The following CARMIL1 variants were observed in gnomAD, a reference collection of about 807,000 sequenced individuals.
The protein encoded by CARMIL1 is F-actin-uncapping protein LRRC16A.
A neutral mutation model predicts 177.1 loss-of-function variants in CARMIL1; 90 were observed. That is an observed-to-expected ratio of 0.51 (90% CI 0.43 to 0.61). The LOEUF is 0.61. Ranked by LOEUF, CARMIL1 falls within the 20% of genes least tolerant of loss-of-function variation. CARMIL1 has a pLI of 0.00. For missense variants in CARMIL1, 1,380 were observed against 1,667.0 expected (o/e 0.83, Z 3.00); for synonymous variants, 577 against 606.2 (o/e 0.95, Z 0.71).
Position 25,580,970 on chromosome 6 carries a change from G to A in CARMIL1, c.2789G>A (p.Arg930Gln). The A allele has an allele frequency of 6.2e-7, 1 of 1,601,334 alleles. No individual in the cohort carries two copies. The highest frequency in any genetic ancestry group is 8.5e-7 in the Non-Finnish European group (1 of 1,173,462). ...AAGAGTATCCATAGCCGAATGCTGC[G>A]GCCTGTTTCTAGGGCTTTTGGTAAG... ...KRKSIHSRML[R>Q]PVSRAFEMEF... The change falls in exon 30 of 37, where the codon CGG becomes CAG. Residue 930 changes from arginine (R) to glutamine (Q), a missense_variant. By Grantham distance (43) the Arg-to-Gln change is conservative. Coordinates refer to ENST00000329474, the MANE Select transcript of CARMIL1 (RefSeq NM_017640.6).
intron 2 of CARMIL1, among the ~76,000 whole-genome samples, chr6:25,337,377 T>C (rs904107421): frequency 5.3e-5 from 8 of 151,408 alleles, no homozygotes; most frequent in African/African-American, 1.7e-4. Context: ...TACATTTCTG[T>C]TTCTTTAGTT....
chr6:25,526,042 G>C (rs1807063582), intron 23 of CARMIL1, among the ~76,000 whole-genome samples: 1 of 151,964 alleles, frequency 6.6e-6, no homozygotes, highest in South Asian at 2.1e-4. Flanking sequence ...GGGCGTGGTG[G>C]TTAATGCCTG....
rs1271192027 is a variant in CARMIL1, at chr6:25,390,318, A to ATTTT, written c.139-29795_139-29794insTTTT. Among the ~76,000 whole-genome samples, 57 of 43,682 alleles carry ATTTT rather than the reference A, an allele frequency of 1.3e-3. 1 individual carries two copies. Among genetic ancestry groups the ATTTT allele is most frequent in the South Asian group, 2.6e-3 (3 of 1,170 alleles). 28.7% of individuals were successfully genotyped at this position (43,682 alleles called of 152,430 possible). On this transcript the variant is annotated intron_variant, in intron 2 of 36. Coordinates refer to ENST00000329474, the MANE Select transcript of CARMIL1 (RefSeq NM_017640.6). ...CATATATATATATATATATATATATATATTTTTTTTTTTTTTTTTTTGAGA... is the reference window on the plus strand; with the variant it reads ...CATATATATATATATATATATATATATTTTTATTTTTTTTTTTTTTTTTTTGAGA...
chr6:25,411,160 A>G (rs1434680706), intron 2 of CARMIL1, among the ~76,000 whole-genome samples: 1 of 152,212 alleles, frequency 6.6e-6, no homozygotes, highest in Non-Finnish European at 1.5e-5. Context: ...GACAGTGATG[A>G]CTAGATGAGG....
At chr6:25,570,658 A>G in intron 29 of CARMIL1, among the ~76,000 whole-genome samples, 1 of 152,366 alleles carries the variant, frequency 6.6e-6, no homozygotes, top group South Asian at 2.1e-4. Context: ...TCTTTTCAAT[A>G]GTCTCTCATC....
chr6:25,287,183 C>A (rs150399274), intron 2 of CARMIL1, among the ~76,000 whole-genome samples: 1 of 152,194 alleles, frequency 6.6e-6, no homozygotes, highest in Non-Finnish European at 1.5e-5. Context: ...CATTGTTAGC[C>A]TACTAAAATG....
At position 25,606,247 on chromosome 6, in the gene CARMIL1, A is replaced by T; in HGVS notation, c.3821A>T (p.Gln1274Leu). 6.2e-7 allele frequency: 1 copy of T among 1,613,796 alleles called. No homozygotes were observed. Among genetic ancestry groups the T allele is most frequent in the South Asian group, 1.1e-5 (1 of 91,042 alleles). The change falls in exon 35 of 37, where the codon CAG becomes CTG. Residue 1274 changes from glutamine (Q) to leucine (L), a missense_variant. Gln to Leu is a moderately radical substitution (Grantham distance 113). Coordinates refer to ENST00000329474, the MANE Select transcript of CARMIL1 (RefSeq NM_017640.6). ...PSLAARPVIP[Q>L]KPRTASRPDD... ...CTGGCAGCACGGCCCGTCATCCCGCAGAAACCAAGAACCGCCTCACGGCCT... is the reference window on the plus strand; with the variant it reads ...CTGGCAGCACGGCCCGTCATCCCGCTGAAACCAAGAACCGCCTCACGGCCT...
At chr6:25,469,722 A>G (rs1360190123) in intron 9 of CARMIL1, among the ~76,000 whole-genome samples, 1 of 151,958 alleles carries the variant, frequency 6.6e-6, no homozygotes, top group Non-Finnish European at 1.5e-5. Flanking sequence ...CTGGGACCCC[A>G]CCCCACTACT....
chr6:25,528,456 T>C (rs1807386736), intron 23 of CARMIL1, among the ~76,000 whole-genome samples: 1 of 152,242 alleles, frequency 6.6e-6, no homozygotes, highest in Admixed American at 6.5e-5. Flanking sequence ...TAAAAATTCA[T>C]GTGAGAGAAG....
chr6:25,377,578 C>T (rs1442832901), intron 2 of CARMIL1, among the ~76,000 whole-genome samples: 1 of 152,132 alleles, frequency 6.6e-6, no homozygotes, highest in Non-Finnish European at 1.5e-5. Flanking sequence ...CAGTGGGTAC[C>T]AGCACCAGTT....
chr6:25,430,720 T>TG (rs1796691514), intron 4 of CARMIL1, among the ~76,000 whole-genome samples: 1 of 152,194 alleles, frequency 6.6e-6, no homozygotes, highest in Non-Finnish European at 1.5e-5. Flanking sequence ...CATGAGCCAC[T>TG]GTGCCCAACC....
chr6:25,322,216 G>A (rs745369216), intron 2 of CARMIL1, among the ~76,000 whole-genome samples: 8 of 152,128 alleles, frequency 5.3e-5, no homozygotes, highest in Non-Finnish European at 7.3e-5. Context: ...TCTGCCTCCT[G>A]GGTTCAAACA....
chr6:25,425,284 C>T (rs181313989), intron 3 of CARMIL1, among the ~76,000 whole-genome samples: 29 of 152,228 alleles, frequency 1.9e-4, no homozygotes, highest in East Asian at 1.5e-3. Context: ...TTCCAGAGCT[C>T]ATCAGTATAC....
intron 4 of CARMIL1, among the ~76,000 whole-genome samples, chr6:25,431,702 C>G (rs1796805968): frequency 6.6e-6 from 1 of 151,952 alleles, no homozygotes. Context: ...TGCAGCAAGA[C>G]TAATTTTCCC....
At chr6:25,388,654 G>GTGCCCAGC (rs1792427041) in intron 2 of CARMIL1, among the ~76,000 whole-genome samples, 1 of 151,894 alleles carries the variant, frequency 6.6e-6, no homozygotes, top group Admixed American at 6.6e-5. Flanking sequence ...ATAAGCCACC[G>GTGCCCAGC]CACCTGGCCT....
chr6:25,587,867 C>G (rs1378115023), intron 31 of CARMIL1, among the ~76,000 whole-genome samples: 1 of 152,026 alleles, frequency 6.6e-6, no homozygotes, highest in Non-Finnish European at 1.5e-5. Context: ...TCTCAGGTAC[C>G]AGAATGTGCC....
intron 29 of CARMIL1, among the ~76,000 whole-genome samples, chr6:25,580,071 C>A (rs999476281): frequency 6.6e-6 from 1 of 152,152 alleles, no homozygotes; most frequent in African/African-American, 2.4e-5. Flanking sequence ...AATGATGTGG[C>A]AGGAAGGATG....
chr6:25,587,849 T>C (rs1813900706), intron 31 of CARMIL1, among the ~76,000 whole-genome samples: 2 of 152,320 alleles, frequency 1.3e-5, no homozygotes, highest in South Asian at 4.1e-4. Context: ...AGAGTGGAAA[T>C]GCCATTTTCT....
chr6:25,390,313 TATATA>T (rs529876939), intron 2 of CARMIL1, among the ~76,000 whole-genome samples: 5,472 of 44,478 alleles, frequency 0.12, 234 homozygotes, highest in Non-Finnish European at 0.14. Flanking sequence ...TATATATATA[TATATA>T]TATTTTTTTT....
Sources: gnomAD v4.1 joint callset for allele counts (sites outside exome capture counted in the v4.1 genomes callset) on GRCh38, gnomAD v4.1.1 for gene constraint, MANE v1.5 for transcripts, NCBI Gene and HGNC (gene_info 2026-07-23, HGNC 2026-07-21) for gene names.